The following RALYL variants were observed in gnomAD, a reference collection of about 807,000 sequenced individuals.
The protein encoded by RALYL is RALY RNA binding protein like.
A neutral mutation model predicts 35.1 loss-of-function variants in RALYL; 29 were observed. The observed-to-expected ratio is 0.83, with a 90% CI of 0.61 to 1.13. The LOEUF (loss-of-function observed/expected upper bound fraction) is 1.13, where lower values mean the gene tolerates loss of function less well. Among genes scored for constraint, RALYL ranks in the 50% most tolerant of loss-of-function variants. The pLI, the probability that RALYL is intolerant of heterozygous loss-of-function variation, is 0.00. For synonymous variants in RALYL, 120 were observed against 127.6 expected, an observed-to-expected ratio of 0.94 and a Z score of 0.40; for missense variants, 359 against 360.4, an observed-to-expected ratio of 1.00 and a Z score of 0.03.
At chr8:84,251,103 T>C (rs1418378032) in intron 1 of RALYL, among the ~76,000 whole-genome samples, 1 of 152,136 alleles carries the variant, frequency 6.6e-6, no homozygotes, top group East Asian at 1.9e-4. Context: ...AAGTTATTTT[T>C]GACTGAGAAT....
intron 1 of RALYL, among the ~76,000 whole-genome samples, chr8:84,341,649 G>T (rs996912983): frequency 6.6e-6 from 1 of 151,916 alleles, no homozygotes; most frequent in Non-Finnish European, 1.5e-5. Flanking sequence ...ATGACTGCTT[G>T]TTTTATTTAA....
At position 84,639,028 on chromosome 8, in the gene RALYL, T is replaced by C. The variant is rs541311939; in HGVS notation, c.256+109451T>C. Among the ~76,000 whole-genome samples, 450 of 147,064 alleles carry C rather than the reference T, an allele frequency of 3.1e-3. 1 individual carries two copies. Among genetic ancestry groups the C allele is most frequent in the African/African-American group, 0.011 (419 of 39,728 alleles). On this transcript the variant is annotated intron_variant, in intron 2 of 8. Coordinates refer to ENST00000521268, the MANE Select transcript of RALYL (RefSeq NM_173848.7). ...GATGGGATGGAGACTCAATATTTAATGTATTATATTAGGCCTCATGAGTCA... is the reference window on the plus strand; with the variant it reads ...GATGGGATGGAGACTCAATATTTAACGTATTATATTAGGCCTCATGAGTCA...
At chr8:84,617,691 C>A (rs1233973328) in intron 2 of RALYL, among the ~76,000 whole-genome samples, 3 of 150,470 alleles carry the variant, frequency 2.0e-5, no homozygotes, top group Middle Eastern at 3.4e-3. Context: ...GGGAATGCTT[C>A]CAGTTTTTGC....
intron 8 of RALYL, among the ~76,000 whole-genome samples, chr8:84,916,055 A>AT (rs1356169989): frequency 6.6e-6 from 1 of 152,046 alleles, no homozygotes; most frequent in Non-Finnish European, 1.5e-5. Flanking sequence ...AAGATGTTTT[A>AT]TTTTCTTTCC....
At chr8:84,682,051 G>C (rs1234070644) in intron 2 of RALYL, among the ~76,000 whole-genome samples, 3 of 152,114 alleles carry the variant, frequency 2.0e-5, no homozygotes, top group East Asian at 1.9e-4. Flanking sequence ...TAGCATGAAG[G>C]GCTGTTGGAT....
chr8:84,407,039 C>A (rs1436986092), intron 1 of RALYL, among the ~76,000 whole-genome samples: 12 of 149,042 alleles, frequency 8.1e-5, no homozygotes, highest in Admixed American at 8.0e-4. Context: ...TATATATACA[C>A]ACACACACTC....
chr8:84,628,045 T>C (rs1314334358), intron 2 of RALYL, among the ~76,000 whole-genome samples: 1 of 152,108 alleles, frequency 6.6e-6, no homozygotes, highest in Non-Finnish European at 1.5e-5. Flanking sequence ...CTTTTAAAAA[T>C]ATAAATACAA....
At chr8:84,216,279 AT>A (rs1820795918) in intron 1 of RALYL, among the ~76,000 whole-genome samples, 1 of 152,048 alleles carries the variant, frequency 6.6e-6, no homozygotes, top group Admixed American at 6.6e-5. Context: ...ACAGAAAAAA[AT>A]GGACATTCAG....
At chr8:84,912,561 GT>G (rs1290607753) in intron 8 of RALYL, among the ~76,000 whole-genome samples, 2 of 152,006 alleles carry the variant, frequency 1.3e-5, no homozygotes, top group Non-Finnish European at 1.5e-5. Flanking sequence ...TGCTGATATT[GT>G]TAGCAGAAGA....
chr8:84,232,331 A>G (rs1825565441), intron 1 of RALYL, among the ~76,000 whole-genome samples: 1 of 152,186 alleles, frequency 6.6e-6, no homozygotes, highest in African/African-American at 2.4e-5. Context: ...GTTCAACACA[A>G]GTGAGAGATG....
intron 2 of RALYL, among the ~76,000 whole-genome samples, chr8:84,692,049 T>C (rs1838166806): frequency 6.6e-6 from 1 of 151,908 alleles, no homozygotes; most frequent in Admixed American, 6.6e-5. Context: ...TAAAAAAAAC[T>C]TTGGAAAATC....
At chr8:84,186,312 A>G (rs1273558437) in intron 1 of RALYL, among the ~76,000 whole-genome samples, 3 of 152,210 alleles carry the variant, frequency 2.0e-5, no homozygotes, top group Non-Finnish European at 4.4e-5. Context: ...TGCCTCAAAC[A>G]GCTAACATAA....
At chr8:84,231,665 C>A (rs1218289500) in intron 1 of RALYL, among the ~76,000 whole-genome samples, 1 of 152,144 alleles carries the variant, frequency 6.6e-6, no homozygotes, top group Non-Finnish European at 1.5e-5. Context: ...ATATGGAGTT[C>A]TGTTTATTTC....
At chr8:84,571,990 T>A (rs1172443982) in intron 2 of RALYL, among the ~76,000 whole-genome samples, 2 of 151,842 alleles carry the variant, frequency 1.3e-5, no homozygotes, top group Non-Finnish European at 2.9e-5. Flanking sequence ...TGATATGAAT[T>A]TGATGTTTTT....
At chr8:84,727,833 A>G (rs568613264) in intron 2 of RALYL, among the ~76,000 whole-genome samples, 122 of 152,014 alleles carry the variant, frequency 8.0e-4, no homozygotes, top group Middle Eastern at 3.4e-3. Flanking sequence ...ATAGTATTCC[A>G]TGGTGTATAT....
intron 2 of RALYL, among the ~76,000 whole-genome samples, chr8:84,611,915 G>A (rs1044520299): frequency 3.3e-5 from 5 of 151,964 alleles, no homozygotes; most frequent in African/African-American, 1.2e-4. Flanking sequence ...CAAAGTGTTG[G>A]AATTTGCATT....
chr8:84,527,822 C>T (rs2059009211), intron 1 of RALYL, among the ~76,000 whole-genome samples: 1 of 152,068 alleles, frequency 6.6e-6, no homozygotes, highest in Non-Finnish European at 1.5e-5. Context: ...GTGTTTTACT[C>T]TTAATTTTTA....
intron 2 of RALYL, among the ~76,000 whole-genome samples, chr8:84,598,236 A>G (rs1815059228): frequency 6.6e-6 from 1 of 152,078 alleles, no homozygotes; most frequent in Non-Finnish European, 1.5e-5. Flanking sequence ...GTGCAGTCAT[A>G]ACTCTCACTG....
intron 1 of RALYL, among the ~76,000 whole-genome samples, chr8:84,348,067 AG>A: frequency 6.6e-6 from 1 of 152,244 alleles, no homozygotes; most frequent in Non-Finnish European, 1.5e-5. Flanking sequence ...ATCAGTTGGC[AG>A]CCTGTGATGG....
Sources: allele counts gnomAD v4.1 joint callset (sites outside exome capture counted in the v4.1 genomes callset), GRCh38; gene constraint gnomAD v4.1.1; transcripts MANE v1.5; gene names NCBI Gene and HGNC (gene_info 2026-07-23, HGNC 2026-07-21).